FHIT: variants seen among roughly 807,000 people sequenced by gnomAD.
FHIT encodes bis(5'-adenosyl)-triphosphatase.
A neutral mutation model predicts 17.9 loss-of-function variants in FHIT; 19 were observed. The ratio of observed to expected loss-of-function variants is 1.06; its 90% CI spans 0.74 to 1.56. The LOEUF is 1.56. Among genes scored for constraint, FHIT ranks in the 40% most tolerant of loss-of-function variants. FHIT has a pLI of 0.00. For missense variants in FHIT, 248 were observed against 189.2 expected (o/e 1.31, Z -1.82); for synonymous variants, 81 against 69.7 (o/e 1.16, Z -0.81).
At chr3:59,826,648 G>A (rs1488703870) in intron 8 of FHIT, among the ~76,000 whole-genome samples, 5 of 152,240 alleles carry the variant, frequency 3.3e-5, no homozygotes, top group Admixed American at 6.5e-5. Context: ...CAATGTGCGC[G>A]AGTGCGCGCG....
At chr3:60,031,525 C>G (rs1387884540) in intron 5 of FHIT, among the ~76,000 whole-genome samples, 1 of 152,156 alleles carries the variant, frequency 6.6e-6, no homozygotes, top group African/African-American at 2.4e-5. Flanking sequence ...AGCCATTTGA[C>G]TCTGGGCAAA....
intron 3 of FHIT, among the ~76,000 whole-genome samples, chr3:61,009,974 C>T (rs1559906847): frequency 6.6e-6 from 1 of 152,122 alleles, no homozygotes; most frequent in Non-Finnish European, 1.5e-5. Context: ...CTAATAGTCA[C>T]TAGTGCAGAA....
At chr3:60,170,221 T>C (rs1193330153) in intron 5 of FHIT, among the ~76,000 whole-genome samples, 1 of 152,070 alleles carries the variant, frequency 6.6e-6, no homozygotes, top group African/African-American at 2.4e-5. Context: ...GGTAATCAGG[T>C]TGGCAAGTGG....
chr3:60,961,234 T>C (rs1185564108), intron 3 of FHIT, among the ~76,000 whole-genome samples: 2 of 152,234 alleles, frequency 1.3e-5, no homozygotes, highest in East Asian at 3.8e-4. Context: ...ATGTCTTCTT[T>C]TGAGAAGTGT....
chr3:59,818,319 T>C (rs1482345877), intron 8 of FHIT, among the ~76,000 whole-genome samples: 1 of 150,870 alleles, frequency 6.6e-6, no homozygotes, highest in Non-Finnish European at 1.5e-5. Flanking sequence ...GAACACAGCG[T>C]GTGCAAGGTT....
chr3:59,794,739 T>C (rs1423421452), intron 8 of FHIT, among the ~76,000 whole-genome samples: 1 of 152,186 alleles, frequency 6.6e-6, no homozygotes, highest in East Asian at 1.9e-4. Context: ...CCAAATCCTT[T>C]GAGGTCAGAG....
At chr3:60,374,626 C>T (rs1024438724) in intron 5 of FHIT, among the ~76,000 whole-genome samples, 2 of 150,116 alleles carry the variant, frequency 1.3e-5, no homozygotes, top group Non-Finnish European at 3.0e-5. Context: ...GCCTCTTAGG[C>T]AAAGCATTGA....
chr3:61,217,371 A>G (rs370868714), intron 1 of FHIT, among the ~76,000 whole-genome samples: 1 of 152,158 alleles, frequency 6.6e-6, no homozygotes, highest in African/African-American at 2.4e-5. Context: ...ATGCCCTCAC[A>G]TATCTGCCAG....
chr3:60,341,571 G>A (rs1189396561), intron 5 of FHIT, among the ~76,000 whole-genome samples: 4 of 151,918 alleles, frequency 2.6e-5, no homozygotes, highest in Non-Finnish European at 5.9e-5. Context: ...CACACCATTG[G>A]TTGCTTTTTC....
chr3:60,915,394 T>TA (rs1706948120), intron 3 of FHIT, among the ~76,000 whole-genome samples: 1 of 152,170 alleles, frequency 6.6e-6, no homozygotes, highest in African/African-American at 2.4e-5. Flanking sequence ...AAGTTTATAA[T>TA]AAGCAGTATT....
intron 5 of FHIT, among the ~76,000 whole-genome samples, chr3:60,355,631 C>T (rs1032786053): frequency 6.6e-6 from 1 of 152,072 alleles, no homozygotes; most frequent in Admixed American, 6.5e-5. Flanking sequence ...ACTCAATGGA[C>T]ATGCAAAGAA....
chr3:60,521,437 C>CG (rs1261175644), intron 5 of FHIT, among the ~76,000 whole-genome samples: 2 of 151,950 alleles, frequency 1.3e-5, no homozygotes, highest in East Asian at 1.9e-4. Flanking sequence ...TTAGTAGAGA[C>CG]GGGGTTTCAC....
chr3:60,888,112 C>T (rs191850494), intron 3 of FHIT, among the ~76,000 whole-genome samples: 60 of 152,266 alleles, frequency 3.9e-4, no homozygotes, highest in Middle Eastern at 3.4e-3. Context: ...TTCTAACACT[C>T]CAAGAACTGT....
At chr3:60,825,219 G>A (rs1702072310) in intron 3 of FHIT, among the ~76,000 whole-genome samples, 1 of 152,026 alleles carries the variant, frequency 6.6e-6, no homozygotes, top group African/African-American at 2.4e-5. Context: ...CCAGGGCTAA[G>A]AAACATACAC....
At chr3:60,619,706 C>G (rs2107749938) in intron 4 of FHIT, among the ~76,000 whole-genome samples, 1 of 150,688 alleles carries the variant, frequency 6.6e-6, no homozygotes, top group South Asian at 2.1e-4. Flanking sequence ...AATGTAAAAC[C>G]ATAGAACTCC....
At chr3:61,094,966 G>C (rs1259560836) in intron 2 of FHIT, among the ~76,000 whole-genome samples, 1 of 152,086 alleles carries the variant, frequency 6.6e-6, no homozygotes, top group Non-Finnish European at 1.5e-5. Flanking sequence ...GTTGACCATG[G>C]TTAACTGAAA....
intron 5 of FHIT, among the ~76,000 whole-genome samples, chr3:60,473,955 C>T (rs1431105050): frequency 6.6e-6 from 1 of 151,858 alleles, no homozygotes; most frequent in Non-Finnish European, 1.5e-5. Context: ...AACCTAACCT[C>T]ACAGAGAATT....
At chr3:60,150,579 C>A (rs1044929474) in intron 5 of FHIT, among the ~76,000 whole-genome samples, 43 of 152,208 alleles carry the variant, frequency 2.8e-4, no homozygotes, top group African/African-American at 1.0e-3. Context: ...ACCTCAGTCT[C>A]GAAAGTCGCT....
chr3:60,872,584 AT>A (rs1177132640), intron 3 of FHIT, among the ~76,000 whole-genome samples: 1 of 152,146 alleles, frequency 6.6e-6, no homozygotes, highest in East Asian at 1.9e-4. Flanking sequence ...TGAACAGAAA[AT>A]TATGCCTCAA....
Sources: allele counts gnomAD v4.1 joint callset (sites outside exome capture counted in the v4.1 genomes callset), GRCh38; gene constraint gnomAD v4.1.1; transcripts MANE v1.5; gene names NCBI Gene and HGNC (gene_info 2026-07-23, HGNC 2026-07-21).